The following TMEM70 variants were observed in gnomAD, a reference collection of about 807,000 sequenced individuals.
TMEM70 encodes transmembrane protein 70.
TMEM70 carries 15 observed loss-of-function variants against 20.5 expected under a neutral mutation model. That is an observed-to-expected ratio of 0.73 (90% CI 0.49 to 1.13). The LOEUF is 1.13. Among genes scored for constraint, TMEM70 ranks in the 50% most tolerant of loss-of-function variants. The pLI is 0.00. For missense variants in TMEM70, 344 were observed against 331.7 expected, an observed-to-expected ratio of 1.04 and a Z score of -0.29; for synonymous variants, 141 against 134.2, an observed-to-expected ratio of 1.05 and a Z score of -0.35.
At position 73,981,294 on chromosome 8, in the gene TMEM70, G is replaced by T; in HGVS notation, c.456G>T (p.Thr152=). 1 of 1,614,040 alleles carries T rather than the reference G, an allele frequency of 6.2e-7. No homozygotes were observed. Among genetic ancestry groups the T allele is most frequent in the South Asian group, 1.1e-5 (1 of 91,078 alleles). ...IIFYGIMGSF[T]VITPVLLHFI... ...TCTATGGCATCATGGGAAGCTTTACGGTGATCACCCCAGTGCTGCTTCACT... is the reference window on the plus strand; with the variant it reads ...TCTATGGCATCATGGGAAGCTTTACTGTGATCACCCCAGTGCTGCTTCACT... The change falls in exon 3 of 3, where the codon ACG becomes ACT. Residue 152 remains threonine (T), a synonymous_variant. Transcript: ENST00000312184.
rs1815842862 is a variant in TMEM70, at chr8:73,982,672, G to A, written c.*1051G>A. 6.5e-6 allele frequency: 3 copies of A among 461,950 alleles called. No individual in the cohort carries two copies. Among genetic ancestry groups the A allele is most frequent in the Non-Finnish European group, 8.6e-6 (2 of 231,832 alleles). The allele number at this position is 461,950 out of a possible 1,614,324, so 28.6% of individuals were successfully genotyped here. ...ACTGGTGGTTAGCTATACGGGAAAT[G>A]GTAAGTAGTGTTGTCTTCAGTATCT... On this transcript the variant is annotated 3_prime_UTR_variant, in exon 3 of 3. Transcript: ENST00000312184.
Position 73,976,251 on chromosome 8 carries a change from G to T in TMEM70, c.-31G>T, listed in dbSNP as rs776345605. ...CTCGCAGTCGTGGACTCGTGCAGCT[G>T]GGGCGTCCGCAGCCGCTCGTCACCC... On this transcript the variant is annotated 5_prime_UTR_variant, in exon 1 of 3. Coordinates refer to ENST00000312184, the MANE Select transcript of TMEM70 (RefSeq NM_017866.6). 1.9e-6 allele frequency: 3 copies of T among 1,586,484 alleles called. No homozygotes were observed. Among genetic ancestry groups the T allele is most frequent in the Admixed American group, 3.4e-5 (2 of 58,876 alleles).
chr8:73,978,149 T>C (rs1815697940), intron 1 of TMEM70, among the ~76,000 whole-genome samples: 1 of 151,938 alleles, frequency 6.6e-6, no homozygotes, highest in Non-Finnish European at 1.5e-5. Context: ...TACAGTGGTG[T>C]GATCTCGGAC....
Position 73,982,217 on chromosome 8 carries a change from C to T in TMEM70, c.*596C>T, listed in dbSNP as rs1241810510. 1 of 568,354 alleles carries T rather than the reference C, an allele frequency of 1.8e-6. No individual in the cohort carries two copies. The highest frequency in any genetic ancestry group is 3.4e-6 in the Non-Finnish European group (1 of 292,116). 35.2% of individuals were successfully genotyped at this position (568,354 alleles called of 1,614,324 possible). ...CTCTAACGAGTTGCAACGTAAAATCCCTGGATAAGGTGTGTGCTGACTTGA... is the reference window on the plus strand; with the variant it reads ...CTCTAACGAGTTGCAACGTAAAATCTCTGGATAAGGTGTGTGCTGACTTGA... On this transcript the variant is annotated 3_prime_UTR_variant, in exon 3 of 3. Coordinates refer to ENST00000312184, the MANE Select transcript of TMEM70 (RefSeq NM_017866.6).
In TMEM70 at chr8:73,976,347, A is replaced by G. The variant is rs1815644215; in HGVS notation, c.66A>G (p.Ala22=). The change falls in exon 1 of 3, where the codon GCA becomes GCG. Residue 22 remains alanine (A), a synonymous_variant. Coordinates refer to ENST00000312184, the MANE Select transcript of TMEM70 (RefSeq NM_017866.6). ...TGCCTCTCTGCGGAAGGAGGACTGCATTGTGTGCGGCCGCCGCGCTCCGAG... is the reference window on the plus strand; with the variant it reads ...TGCCTCTCTGCGGAAGGAGGACTGCGTTGTGTGCGGCCGCCGCGCTCCGAG... ...VELPLCGRRT[A]LCAAAALRGP... is the part of the protein sequence containing the mutation. 1.3e-6 allele frequency: 2 copies of G among 1,599,996 alleles called. No homozygotes were observed. The highest frequency in any genetic ancestry group is 1.7e-6 in the Non-Finnish European group (2 of 1,179,534).
Position 73,981,731 on chromosome 8 carries a change from A to T in TMEM70, c.*110A>T, listed in dbSNP as rs1586637229. 2.3e-6 allele frequency: 2 copies of T among 859,412 alleles called. No homozygotes were observed. The highest frequency in any genetic ancestry group is 5.3e-5 in the East Asian group (2 of 38,008). 53.2% of individuals were successfully genotyped at this position (859,412 alleles called of 1,614,324 possible). A position where few individuals can be genotyped will look rare whatever the true frequency, so the allele number is the denominator to read the frequency against. Reference sequence around the variant, plus strand: ...TGATTGTTAAAAATAATTTGAAATTATCAAAGCTTTTAATTTCCAGAGAAT... The same window carrying T: ...TGATTGTTAAAAATAATTTGAAATTTTCAAAGCTTTTAATTTCCAGAGAAT... On this transcript the variant is annotated 3_prime_UTR_variant, in exon 3 of 3. Coordinates refer to ENST00000312184, the MANE Select transcript of TMEM70 (RefSeq NM_017866.6).
In TMEM70 at chr8:73,976,468, C is replaced by A; in HGVS notation, c.187C>A (p.Leu63Ile). The change falls in exon 1 of 3, where the codon CTC becomes ATC. Residue 63 changes from leucine to isoleucine, a missense_variant. Leu to Ile is a conservative substitution (Grantham distance 5, BLOSUM62 2). Transcript: ENST00000312184. ...STGPSGAARL[L>I]RRPGRAQIPV... ...GGGGCCTTCGGGAGCCGCGCGCCTT[C>A]TCCGGCGTCCGGGTCGAGCGCAGGT... 1 of 1,544,492 alleles carries A rather than the reference C, an allele frequency of 6.5e-7. No individual in the cohort carries two copies.
Position 73,976,243 on chromosome 8 carries a change from G to T in TMEM70, c.-39G>T, listed in dbSNP as rs200386494. On this transcript the variant is annotated 5_prime_UTR_variant, in exon 1 of 3. Coordinates refer to ENST00000312184, the MANE Select transcript of TMEM70 (RefSeq NM_017866.6). The stretch of plus-strand genomic sequence containing the variant: ...AGCCGTGTCTCGCAGTCGTGGACTC[G>T]TGCAGCTGGGGCGTCCGCAGCCGCT... The T allele has an allele frequency of 2.6e-4, 415 of 1,569,436 alleles. No individual in the cohort carries two copies. The highest frequency in any genetic ancestry group is 3.5e-4 in the Non-Finnish European group (403 of 1,158,464).
chr8:73,978,519 G>A (rs1237661454), intron 1 of TMEM70, among the ~76,000 whole-genome samples: 1 of 151,388 alleles, frequency 6.6e-6, no homozygotes, highest in African/African-American at 2.4e-5. Context: ...GTGAAACCCC[G>A]TCTCTAATAA....
chr8:73,982,716 G>C lies in TMEM70; in HGVS notation c.*1095G>C, dbSNP rs186382097. 2.0e-5 allele frequency: 9 copies of C among 456,032 alleles called. No individual in the cohort carries two copies. Among genetic ancestry groups the C allele is most frequent in the Non-Finnish European group, 3.9e-5 (9 of 228,028 alleles). 28.2% of individuals were successfully genotyped at this position (456,032 alleles called of 1,614,324 possible). ...AGTATCTTAATTTGTTTCTGCAACT[G>C]TGCACTCCTCCCTTGGTGGCACCCT... is the stretch of plus-strand genomic sequence containing the variant. On this transcript the variant is annotated 3_prime_UTR_variant, in exon 3 of 3. Transcript: ENST00000312184.
chr8:73,982,437 C>G lies in TMEM70; in HGVS notation c.*816C>G, dbSNP rs773566615. 6.3e-6 allele frequency: 5 copies of G among 792,126 alleles called. No homozygotes were observed. Among genetic ancestry groups the G allele is most frequent in the Admixed American group, 3.5e-5 (2 of 56,740 alleles). 49.1% of individuals were successfully genotyped at this position (792,126 alleles called of 1,614,324 possible). A position where few individuals can be genotyped will look rare whatever the true frequency, so the allele number is the denominator to read the frequency against. On this transcript the variant is annotated 3_prime_UTR_variant, in exon 3 of 3. Coordinates refer to ENST00000312184, the MANE Select transcript of TMEM70 (RefSeq NM_017866.6). ...CAGATTACTTCCATCAGTATTGAGC[C>G]AGGAGTTGAGATGGAAGTCACCATT...
Position 73,981,811 on chromosome 8 carries a change from C to T in TMEM70, c.*190C>T. 2 of 682,468 alleles carry T rather than the reference C, an allele frequency of 2.9e-6. No homozygotes were observed. Among genetic ancestry groups the T allele is most frequent in the South Asian group, 1.5e-5 (1 of 66,570 alleles). The allele number at this position is 682,468 out of a possible 1,614,324, so 42.3% of individuals were successfully genotyped here. A position where few individuals can be genotyped will look rare whatever the true frequency, so the allele number is the denominator to read the frequency against. On this transcript the variant is annotated 3_prime_UTR_variant, in exon 3 of 3. Transcript: ENST00000312184. ...TTTGAAAACCAAAATGTAGTATCTACCATTCGTGTTTTAGAAAGGTATGTG... is the reference window on the plus strand; with the variant it reads ...TTTGAAAACCAAAATGTAGTATCTATCATTCGTGTTTTAGAAAGGTATGTG...
rs1563700916 is a variant in TMEM70, at chr8:73,982,215, T to A, written c.*594T>A. 1 of 567,280 alleles carries A rather than the reference T, an allele frequency of 1.8e-6. No individual in the cohort carries two copies. Among genetic ancestry groups the A allele is most frequent in the Non-Finnish European group, 3.4e-6 (1 of 291,322 alleles). 35.1% of individuals were successfully genotyped at this position (567,280 alleles called of 1,614,324 possible). On this transcript the variant is annotated 3_prime_UTR_variant, in exon 3 of 3. Coordinates refer to ENST00000312184, the MANE Select transcript of TMEM70 (RefSeq NM_017866.6). ...CACTCTAACGAGTTGCAACGTAAAA[T>A]CCCTGGATAAGGTGTGTGCTGACTT...
In TMEM70 at chr8:73,982,391, C is replaced by T. The variant is rs777585709; in HGVS notation, c.*770C>T. The T allele has an allele frequency of 3.2e-5, 24 of 757,932 alleles. No individual in the cohort carries two copies. Among genetic ancestry groups the T allele is most frequent in the South Asian group, 2.0e-4 (15 of 75,358 alleles). The allele number at this position is 757,932 out of a possible 1,614,324, so 47.0% of individuals were successfully genotyped here. ...AATCCACAAGCGACTCATTGACTTG[C>T]GCAGTCCTCAGATAGTTAAGCAGAT... is the stretch of plus-strand genomic sequence containing the variant. On this transcript the variant is annotated 3_prime_UTR_variant, in exon 3 of 3. Transcript: ENST00000312184.
rs1366205466 is a variant in TMEM70, at chr8:73,982,389, T to C, written c.*768T>C. 2 of 755,526 alleles carry C rather than the reference T, an allele frequency of 2.6e-6. No individual in the cohort carries two copies. The highest frequency in any genetic ancestry group is 4.6e-6 in the Non-Finnish European group (2 of 431,502). The allele number at this position is 755,526 out of a possible 1,614,324, so 46.8% of individuals were successfully genotyped here. The stretch of plus-strand genomic sequence containing the variant: ...AGAATCCACAAGCGACTCATTGACT[T>C]GCGCAGTCCTCAGATAGTTAAGCAG... On this transcript the variant is annotated 3_prime_UTR_variant, in exon 3 of 3. Transcript: ENST00000312184.
At position 73,982,185 on chromosome 8, in the gene TMEM70, C is replaced by T. The variant is rs1218131946; in HGVS notation, c.*564C>T. 1 of 549,756 alleles carries T rather than the reference C, an allele frequency of 1.8e-6. No individual in the cohort carries two copies. The highest frequency in any genetic ancestry group is 3.6e-6 in the Non-Finnish European group (1 of 280,054). The allele number at this position is 549,756 out of a possible 1,614,324, so 34.1% of individuals were successfully genotyped here. A position where few individuals can be genotyped will look rare whatever the true frequency, so the allele number is the denominator to read the frequency against. ...GTCAGAGGTGGCAATTCACCGAATT[C>T]ATATCACTCTAACGAGTTGCAACGT... On this transcript the variant is annotated 3_prime_UTR_variant, in exon 3 of 3. Transcript: ENST00000312184.
At position 73,981,816 on chromosome 8, in the gene TMEM70, C is replaced by T. The variant is rs1265616353; in HGVS notation, c.*195C>T. 26 of 675,062 alleles carry T rather than the reference C, an allele frequency of 3.9e-5. No individual in the cohort carries two copies. The highest frequency in any genetic ancestry group is 6.1e-5 in the Admixed American group (3 of 49,058). 41.8% of individuals were successfully genotyped at this position (675,062 alleles called of 1,614,324 possible). On this transcript the variant is annotated 3_prime_UTR_variant, in exon 3 of 3. Transcript: ENST00000312184. ...AAACCAAAATGTAGTATCTACCATT[C>T]GTGTTTTAGAAAGGTATGTGAATAA... is the stretch of plus-strand genomic sequence containing the variant.
In TMEM70 at chr8:73,976,501, C is replaced by T; in HGVS notation, c.210+10C>T. ...TCCGGGTCGAGCGCAGGTAGGGCGT[C>T]CGAGGTCTGGTGTCCCAAGTGAGGC... On this transcript the variant is annotated intron_variant, in intron 1 of 2. Coordinates refer to ENST00000312184, the MANE Select transcript of TMEM70 (RefSeq NM_017866.6). 6.6e-7 allele frequency: 1 copy of T among 1,516,028 alleles called. No homozygotes were observed. Among genetic ancestry groups the T allele is most frequent in the Non-Finnish European group, 8.8e-7 (1 of 1,136,936 alleles). 93.9% of individuals were successfully genotyped at this position (1,516,028 alleles called of 1,614,324 possible).
intron 2 of TMEM70, 89 bp downstream of exon 2, chr8:73,978,950 C>A: frequency 6.8e-7 from 1 of 1,479,746 alleles, no homozygotes; most frequent in Non-Finnish European, 9.3e-7. Context: ...GTTGTTATGG[C>A]ATCCCTTAAT....
Sources: allele counts gnomAD v4.1 joint callset (sites outside exome capture counted in the v4.1 genomes callset), GRCh38; gene constraint gnomAD v4.1.1; transcripts MANE v1.5; gene names NCBI Gene and HGNC (gene_info 2026-07-23, HGNC 2026-07-21).